The following DMD variants were observed in gnomAD, a reference collection of about 807,000 sequenced individuals.
DMD encodes the protein mutant dystrophin.
DMD carries 63 observed loss-of-function variants against 330.1 expected under a neutral mutation model. The observed-to-expected ratio is 0.19, with a 90% confidence interval of 0.16 to 0.24. The LOEUF is 0.24. Among genes scored for constraint, DMD ranks in the 10% least tolerant of loss-of-function variants. DMD has a pLI of 1.00. For missense variants in DMD, 3,344 were observed against 2,684.1 expected (o/e 1.25, Z -5.43); for synonymous variants, 1,223 against 959.8 (o/e 1.27, Z -5.07).
intron 47 of DMD, among the ~76,000 whole-genome samples, chrX:31,910,544 A>G (rs184677323): frequency 8.9e-6 from 1 of 111,803 alleles, no homozygotes; most frequent in Admixed American, 9.5e-5. Flanking sequence ...TGTAGATATA[A>G]AAAGAAATAA....
intron 78 of DMD, among the ~76,000 whole-genome samples, chrX:31,125,621 A>C (rs1201812631): frequency 9.0e-6 from 1 of 111,665 alleles, no homozygotes; most frequent in Non-Finnish European, 1.9e-5. Flanking sequence ...GACAACCTTG[A>C]TTTTACTTGG....
rs771817912 is a variant in DMD at position 32,600,063 on chromosome X, C to T, written c.1483-4187G>A. 4.5e-5 allele frequency among the ~76,000 whole-genome samples: 5 copies of T among 111,932 alleles called. No individual in the cohort carries two copies. In the South Asian group the frequency reaches 1.8e-3, roughly 41 times the overall value. ...AGGGCTTAACAAAATTTGTTACTCC[C>T]TTAGTACATGTTCCCAATTTTATTA... On this transcript the variant is annotated intron_variant, in intron 12 of 78. Transcript: ENST00000357033.
intron 2 of DMD, among the ~76,000 whole-genome samples, chrX:32,955,351 G>A (rs773653842): frequency 4.9e-5 from 5 of 102,577 alleles, no homozygotes; most frequent in Admixed American, 1.1e-4. Flanking sequence ...TTTGAGAAGT[G>A]TCTGTTCATG....
At chrX:32,289,371 C>T (rs932325328) in intron 42 of DMD, among the ~76,000 whole-genome samples, 5 of 110,424 alleles carry the variant, frequency 4.5e-5, no homozygotes, top group African/African-American at 1.6e-4. Context: ...GGTAACTCTA[C>T]TACCCTTAGG....
chrX:32,699,138 G>A lies in DMD; in HGVS notation c.805C>T (p.His269Tyr), dbSNP rs746626486. The change falls in exon 8 of 79, where the codon CAT becomes TAT. Residue 269 changes from histidine to tyrosine, a missense_variant. Physicochemically the swap from His to Tyr is moderately conservative, Grantham distance 83. Coordinates refer to ENST00000357033, the MANE Select transcript of DMD (RefSeq NM_004006.3). ...TGTTGAGAATAGTGCATTTGATGAT[G>A]TAACTGAAAATGTTCTTCTTTAGTC... ...KVTKEEHFQLHHQMHYSQQIT... is the reference protein window; with the variant it reads ...KVTKEEHFQLYHQMHYSQQIT... The A allele has an allele frequency of 8.3e-7, 1 of 1,210,213 alleles. No homozygotes were observed. The highest frequency in any genetic ancestry group is 3.0e-5 in the East Asian group (1 of 33,783).
chrX:33,026,222 C>T (rs2093995116), intron 1 of DMD, among the ~76,000 whole-genome samples: 1 of 99,771 alleles, frequency 1.0e-5, no homozygotes, highest in Non-Finnish European at 2.0e-5. Flanking sequence ...GTAGTCCCAG[C>T]TACTGGGGCG....
chrX:32,779,476 T>C (rs2074493851), intron 7 of DMD, among the ~76,000 whole-genome samples: 1 of 110,682 alleles, frequency 9.0e-6, no homozygotes, highest in African/African-American at 3.3e-5. Context: ...CATTTAGACA[T>C]TTTTAAAGTT....
At chrX:32,924,107 G>T (rs930400770) in intron 2 of DMD, among the ~76,000 whole-genome samples, 3 of 111,765 alleles carry the variant, frequency 2.7e-5, no homozygotes, top group Non-Finnish European at 5.6e-5. Context: ...GCTTACAAAA[G>T]ATTCTATTGA....
intron 30 of DMD, among the ~76,000 whole-genome samples, chrX:32,402,423 A>G (rs1435702410): frequency 9.0e-6 from 1 of 111,436 alleles, no homozygotes; most frequent in Non-Finnish European, 1.9e-5. Flanking sequence ...TGTATATATC[A>G]CCACAATCCA....
chrX:32,651,431 C>A lies in DMD; in HGVS notation c.961-6279G>T, dbSNP rs762274832. On this transcript the variant is annotated intron_variant, in intron 9 of 78. Coordinates refer to ENST00000357033, the MANE Select transcript of DMD (RefSeq NM_004006.3). Reference sequence around the variant, plus strand: ...GTGCTGGGATTACAGGTGTGAGCCACGGTGTCCGGCCCTCACGTAACTTCT... The same window carrying A: ...GTGCTGGGATTACAGGTGTGAGCCAAGGTGTCCGGCCCTCACGTAACTTCT... Among the ~76,000 whole-genome samples the A allele has an allele frequency of 6.2e-5, 7 of 112,211 alleles. No individual in the cohort carries two copies. The East Asian group carries it at 1.1e-3, about 18-fold the overall frequency.
chrX:31,893,461 C>T (rs755930496), intron 47 of DMD, among the ~76,000 whole-genome samples: 10 of 111,156 alleles, frequency 9.0e-5, no homozygotes, highest in Non-Finnish European at 1.7e-4. Flanking sequence ...ATTTTTGGCC[C>T]CCAGGCTGCA....
chrX:32,750,174 TAC>T (rs1358691017), intron 7 of DMD, among the ~76,000 whole-genome samples: 1 of 112,379 alleles, frequency 8.9e-6, no homozygotes, highest in African/African-American at 3.2e-5. Context: ...TGTATATTGC[TAC>T]ATTTATGTTA....
At chrX:31,294,254 G>GT (rs1225058392) in intron 62 of DMD, among the ~76,000 whole-genome samples, 1 of 111,846 alleles carries the variant, frequency 8.9e-6, no homozygotes, top group Non-Finnish European at 1.9e-5. Flanking sequence ...CAAAGCCTCA[G>GT]TTTCCAAGTC....
intron 2 of DMD, among the ~76,000 whole-genome samples, chrX:32,957,014 C>T (rs1260259194): frequency 5.4e-5 from 6 of 111,398 alleles, no homozygotes; most frequent in Non-Finnish European, 1.1e-4. Flanking sequence ...TATTTGAAAA[C>T]AGCTAATACG....
chrX:31,472,079 TACA>T (rs918021739), intron 59 of DMD, among the ~76,000 whole-genome samples: 4 of 112,555 alleles, frequency 3.6e-5, no homozygotes, highest in African/African-American at 9.7e-5. Context: ...ATAGCATTTT[TACA>T]ACAACAACAA....
At chrX:31,908,135 A>G (rs1276422635) in intron 47 of DMD, among the ~76,000 whole-genome samples, 3 of 112,464 alleles carry the variant, frequency 2.7e-5, no homozygotes. Flanking sequence ...AACTAGTTCA[A>G]CCATTGTGGA....
chrX:32,582,159 C>T (rs1331019215), intron 13 of DMD, among the ~76,000 whole-genome samples: 1 of 110,867 alleles, frequency 9.0e-6, no homozygotes, highest in East Asian at 2.8e-4. Flanking sequence ...AGTATTTATA[C>T]AGTACAATAT....
chrX:31,653,821 T>C (rs16989758), intron 54 of DMD, among the ~76,000 whole-genome samples: 2,249 of 111,559 alleles, frequency 0.02, 63 homozygotes, highest in African/African-American at 0.069. Context: ...TTATATGTTA[T>C]CATGGACTCT....
chrX:32,588,398 C>T (rs1386573919), intron 13 of DMD, among the ~76,000 whole-genome samples: 5 of 111,719 alleles, frequency 4.5e-5, no homozygotes, highest in Admixed American at 3.8e-4. Context: ...TCTTATGAAG[C>T]AGAGTCGTCT....
Sources: allele counts gnomAD v4.1 joint callset (sites outside exome capture counted in the v4.1 genomes callset), GRCh38; gene constraint gnomAD v4.1.1; transcripts MANE v1.5; gene names NCBI Gene and HGNC (gene_info 2026-07-23, HGNC 2026-07-21).